Variants in RAPGEF1 observed in about 807,000 individuals in gnomAD.
The protein encoded by RAPGEF1 is CRK SH3-binding GNRP.
A neutral mutation model predicts 143.3 loss-of-function variants in RAPGEF1; 33 were observed. The observed-to-expected ratio is 0.23, with a 90% confidence interval of 0.17 to 0.31. RAPGEF1 has a LOEUF of 0.31. RAPGEF1 is among the 10% of genes least tolerant of loss of function. RAPGEF1 has a pLI of 1.00. For missense variants in RAPGEF1, 1,199 were observed against 1,645.4 expected (o/e 0.73, Z 4.69); for synonymous variants, 629 against 676.5 (o/e 0.93, Z 1.09).
chr9:131,660,872 C>G (rs1440952270), intron 1 of RAPGEF1, among the ~76,000 whole-genome samples: 1 of 152,230 alleles, frequency 6.6e-6, no homozygotes, highest in Admixed American at 6.5e-5. Flanking sequence ...TTTCATTTTA[C>G]TTGCATAACT....
intron 12 of RAPGEF1, among the ~76,000 whole-genome samples, chr9:131,606,274 A>G (rs928342428): frequency 1.3e-5 from 2 of 152,204 alleles, no homozygotes; most frequent in Non-Finnish European, 2.9e-5. Flanking sequence ...GGACCTGGTC[A>G]GCAGCCACCA....
chr9:131,646,607 C>T (rs752349399), intron 3 of RAPGEF1, among the ~76,000 whole-genome samples: 6 of 152,188 alleles, frequency 3.9e-5, no homozygotes, highest in Admixed American at 6.5e-5. Context: ...GTGCCGCAGC[C>T]GGGACACCCG....
chr9:131,643,442 G>A (rs1968619946), intron 3 of RAPGEF1, 25 bp from the exon 4 acceptor site: 1 of 1,585,918 alleles, frequency 6.3e-7, no homozygotes, highest in Non-Finnish European at 8.6e-7. Flanking sequence ...TAGGCATAAG[G>A]AGGAGGAGAG....
At position 131,621,856 on chromosome 9, in the gene RAPGEF1, C is replaced by T. The variant is rs1018231479; in HGVS notation, c.1845G>A (p.Gly615=). The change falls in exon 11 of 27, where the codon GGG becomes GGA. Residue 615 remains glycine, a synonymous_variant. Transcript: ENST00000683357. The surrounding 1 kb of genome is among the most constrained non-coding windows in gnomAD (Gnocchi z 4.5). Reference sequence around the variant, plus strand: ...GGGCCAGCTCCTGCACGGAGTCCACCCCACTGAAGGAGTCGCTGAAGCCGT... The same window carrying T: ...GGGCCAGCTCCTGCACGGAGTCCACTCCACTGAAGGAGTCGCTGAAGCCGT... ...EVYGFSDSFS[G]VDSVQELAPP... The T allele has an allele frequency of 6.2e-7, 1 of 1,611,802 alleles. No individual in the cohort carries two copies. Among genetic ancestry groups the T allele is most frequent in the African/African-American group, 1.3e-5 (1 of 74,884 alleles).
chr9:131,659,880 G>A (rs560802817), intron 1 of RAPGEF1, among the ~76,000 whole-genome samples: 419 of 152,094 alleles, frequency 2.8e-3, no homozygotes, highest in Non-Finnish European at 5.3e-3. Flanking sequence ...GTGCAGTGGC[G>A]TGATCTCGGC....
intron 1 of RAPGEF1, among the ~76,000 whole-genome samples, chr9:131,723,346 TA>T (rs1189189008): frequency 3.9e-5 from 6 of 152,176 alleles, no homozygotes; most frequent in Non-Finnish European, 7.4e-5. Flanking sequence ...ACTTCAGTGG[TA>T]ATAAGTAACA....
At chr9:131,639,475 A>G (rs1333324474) in intron 4 of RAPGEF1, among the ~76,000 whole-genome samples, 2 of 142,242 alleles carry the variant, frequency 1.4e-5, no homozygotes, top group Non-Finnish European at 1.5e-5. Flanking sequence ...TGTGAGAGAG[A>G]GACCACGCTA....
chr9:131,614,140 A>ACCC (rs59952563), intron 12 of RAPGEF1, among the ~76,000 whole-genome samples: 170 of 142,698 alleles, frequency 1.2e-3, no homozygotes, highest in Middle Eastern at 7.5e-3. Context: ...GTGCACCAAC[A>ACCC]CCCCCCCCCA....
rs778015490 is a variant in RAPGEF1, at chr9:131,579,661, T to C, written c.3642-14A>G. 2.8e-5 allele frequency: 45 copies of C among 1,612,646 alleles called. No individual in the cohort carries two copies. The East Asian group carries it at 4.7e-4, about 17-fold the overall frequency. On this transcript the variant is annotated splice_polypyrimidine_tract_variant and intron_variant, in intron 26 of 26. Coordinates refer to ENST00000683357, the MANE Select transcript of RAPGEF1 (RefSeq NM_001377935.1). ...ATGTCATAGTGCCTGGTGCAGGGGA[T>C]GGGGAGCAGTCAGTGAGCACCTGTG...
At chr9:131,637,024 G>A (rs574706007) in intron 5 of RAPGEF1, among the ~76,000 whole-genome samples, 8 of 152,152 alleles carry the variant, frequency 5.3e-5, no homozygotes, top group Admixed American at 2.0e-4. Context: ...TCAGGAGTTC[G>A]AGACCAGCCT....
chr9:131,618,402 C>A (rs1959512038), intron 12 of RAPGEF1, among the ~76,000 whole-genome samples: 1 of 152,250 alleles, frequency 6.6e-6, no homozygotes, highest in African/African-American at 2.4e-5. Context: ...CTGTCCTAAG[C>A]AGTGACAAAT....
rs1213196708 is a variant in RAPGEF1, at chr9:131,645,789, G to A, written c.316-2372C>T. Among the ~76,000 whole-genome samples the A allele has an allele frequency of 2.0e-4, 30 of 152,216 alleles. 1 individual carries two copies. The highest frequency in any genetic ancestry group is 9.8e-4 in the Admixed American group (15 of 15,290). ...CCCCTCCTGCTGTGGGGGATGGATT[G>A]CCATCATTGGTCCACATAAGCCTGG... On this transcript the variant is annotated intron_variant, in intron 3 of 26. Transcript: ENST00000683357.
intron 10 of RAPGEF1, among the ~76,000 whole-genome samples, chr9:131,624,792 T>C (rs370121814): frequency 6.6e-6 from 1 of 152,246 alleles, no homozygotes; most frequent in Admixed American, 6.5e-5. Flanking sequence ...TGAGCAAATA[T>C]ACACGACAGA....
chr9:131,646,578 C>T, intron 3 of RAPGEF1, among the ~76,000 whole-genome samples: 2 of 152,298 alleles, frequency 1.3e-5, no homozygotes, highest in East Asian at 1.9e-4. Flanking sequence ...CCTCTCCAGA[C>T]AGTTCTCTCC....
intron 12 of RAPGEF1, among the ~76,000 whole-genome samples, chr9:131,606,377 G>T (rs1016838495): frequency 6.6e-6 from 1 of 152,158 alleles, no homozygotes. Context: ...GAGCGCTGTG[G>T]GGGTGGCCAC....
intron 1 of RAPGEF1, among the ~76,000 whole-genome samples, chr9:131,697,196 G>C (rs1034207608): frequency 1.6e-4 from 24 of 151,654 alleles, no homozygotes; most frequent in Middle Eastern, 3.4e-3. Flanking sequence ...ATCCCTTCTC[G>C]CTCCCTCCCT....
intron 1 of RAPGEF1, among the ~76,000 whole-genome samples, chr9:131,696,962 G>A (rs1834232347): frequency 6.6e-6 from 1 of 152,214 alleles, no homozygotes; most frequent in Non-Finnish European, 1.5e-5. Context: ...GCTAAGGCAG[G>A]TGTAATTAGT....
intron 9 of RAPGEF1, among the ~76,000 whole-genome samples, chr9:131,626,860 T>C (rs1182903876): frequency 1.3e-5 from 2 of 152,138 alleles, no homozygotes; most frequent in Non-Finnish European, 2.9e-5. Flanking sequence ...CAGCACTCTG[T>C]GAGGCCGAGG....
chr9:131,582,286 C>T (rs1476472930), intron 25 of RAPGEF1, among the ~76,000 whole-genome samples: 2 of 152,052 alleles, frequency 1.3e-5, no homozygotes, highest in African/African-American at 4.8e-5. Flanking sequence ...ACAAGCATGG[C>T]TGCACATGCT....
Sources: gnomAD v4.1 joint callset for allele counts (sites outside exome capture counted in the v4.1 genomes callset) on GRCh38, gnomAD v4.1.1 for gene constraint, Gnocchi (gnomAD v3.1) non-coding constraint, MANE v1.5 for transcripts, NCBI Gene and HGNC (gene_info 2026-07-23, HGNC 2026-07-21) for gene names.